ARL8B: variants seen among roughly 807,000 people sequenced by gnomAD.
ARL8B encodes the protein ADP-ribosylation factor-like protein 8B.
A neutral mutation model predicts 30.6 loss-of-function variants in ARL8B; 9 were observed. The observed-to-expected ratio is 0.29, with a 90% CI of 0.18 to 0.51. ARL8B has a LOEUF of 0.51. Ranked by LOEUF, ARL8B falls within the 20% of genes least tolerant of loss-of-function variation. The probability of loss-of-function intolerance (pLI) is 0.97; values close to 1 mark genes in which losing one functional copy is unlikely to be tolerated. For synonymous variants in ARL8B, 74 were observed against 76.0 expected, an observed-to-expected ratio of 0.97 and a Z score of 0.14; for missense variants, 130 against 227.2, an observed-to-expected ratio of 0.57 and a Z score of 2.75.
chr3:5,162,115 A>G (rs2054589572), intron 1 of ARL8B, among the ~76,000 whole-genome samples: 1 of 152,352 alleles, frequency 6.6e-6, no homozygotes, highest in South Asian at 2.1e-4. Context: ...TCAGCTGCTC[A>G]TCACTGGACT....
chr3:5,141,623 C>T (rs1398950967), intron 1 of ARL8B, among the ~76,000 whole-genome samples: 1 of 152,182 alleles, frequency 6.6e-6, no homozygotes, highest in Non-Finnish European at 1.5e-5. Flanking sequence ...TTGTTAATTC[C>T]AGCATTTTCT....
rs139170070 is a variant in ARL8B at position 5,147,370 on chromosome 3, A to G, written c.124-23133A>G. 9.0e-3 allele frequency among the ~76,000 whole-genome samples: 1,369 copies of G among 152,304 alleles called. 18 individuals carry two copies. Among genetic ancestry groups the G allele is most frequent in the African/African-American group, 0.031 (1,284 of 41,560 alleles). ...TGAACTCATCCTTTTTTATGGCTGCATAGTATTCCATGGTGTTCTTAATCC... is the reference window on the plus strand; with the variant it reads ...TGAACTCATCCTTTTTTATGGCTGCGTAGTATTCCATGGTGTTCTTAATCC... On this transcript the variant is annotated intron_variant, in intron 1 of 6. Transcript: ENST00000256496.
intron 1 of ARL8B, among the ~76,000 whole-genome samples, chr3:5,155,210 C>T (rs1003609208): frequency 6.6e-6 from 1 of 152,092 alleles, no homozygotes; most frequent in African/African-American, 2.4e-5. Flanking sequence ...TTTGTTTTTT[C>T]ATTTAGCACT....
chr3:5,151,148 A>G (rs923433109), intron 1 of ARL8B, among the ~76,000 whole-genome samples: 1 of 151,982 alleles, frequency 6.6e-6, no homozygotes, highest in African/African-American at 2.4e-5. Flanking sequence ...GATTTGCTTC[A>G]AAGTTTTTCT....
chr3:5,145,364 T>C (rs2054410014), intron 1 of ARL8B, among the ~76,000 whole-genome samples: 1 of 152,192 alleles, frequency 6.6e-6, no homozygotes, highest in African/African-American at 2.4e-5. Flanking sequence ...TGATTTAATA[T>C]ATTCCTGACC....
At chr3:5,136,603 G>T (rs887196238) in intron 1 of ARL8B, among the ~76,000 whole-genome samples, 3 of 152,136 alleles carry the variant, frequency 2.0e-5, no homozygotes, top group Non-Finnish European at 4.4e-5. Context: ...ACTACCCTAT[G>T]TTATCTTTCC....
Position 5,178,685 on chromosome 3 carries a change from T to C in ARL8B, c.533T>C (p.Ile178Thr). The part of the protein sequence containing the change: ...DNIDITLQWL[I>T]QHSKSRRS The stretch of plus-strand genomic sequence containing the variant: ...TTAGATATCACACTTCAGTGGCTTA[T>C]TCAGCATTCAAAATCTAGAAGAAGC... The change falls in exon 7 of 7, where the codon ATT becomes ACT. Residue 178 changes from isoleucine (I) to threonine (T), a missense_variant. Coordinates refer to ENST00000256496, the MANE Select transcript of ARL8B (RefSeq NM_018184.3). The C allele has an allele frequency of 6.2e-7, 1 of 1,612,654 alleles. No homozygotes were observed. The highest frequency in any genetic ancestry group is 8.5e-7 in the Non-Finnish European group (1 of 1,179,254).
At chr3:5,155,826 C>G (rs888258735) in intron 1 of ARL8B, among the ~76,000 whole-genome samples, 1 of 146,046 alleles carries the variant, frequency 6.8e-6, no homozygotes, top group African/African-American at 2.6e-5. Flanking sequence ...ACATAGTTTT[C>G]TTGCATTTTT....
intron 2 of ARL8B, among the ~76,000 whole-genome samples, chr3:5,171,476 C>T (rs1033685435): frequency 6.6e-6 from 1 of 151,880 alleles, no homozygotes; most frequent in Non-Finnish European, 1.5e-5. Flanking sequence ...CTCAGCCTCC[C>T]GAGTATATTA....
At chr3:5,148,487 C>T (rs2054449470) in intron 1 of ARL8B, among the ~76,000 whole-genome samples, 1 of 152,138 alleles carries the variant, frequency 6.6e-6, no homozygotes, top group South Asian at 2.1e-4. Context: ...CCTGCTGCCC[C>T]TTGATTTTCC....
At chr3:5,159,374 G>T (rs1427956546) in intron 1 of ARL8B, among the ~76,000 whole-genome samples, 4 of 151,076 alleles carry the variant, frequency 2.6e-5, no homozygotes, top group Non-Finnish European at 5.9e-5. Context: ...AGGCCGAGGT[G>T]GGTGGATCAC....
chr3:5,136,507 A>G (rs1156500132), intron 1 of ARL8B, among the ~76,000 whole-genome samples: 1 of 152,190 alleles, frequency 6.6e-6, no homozygotes, highest in Non-Finnish European at 1.5e-5. Context: ...GAAGCTGGGC[A>G]TGACTTTATA....
In ARL8B at chr3:5,180,593, C is replaced by A. The variant is rs2054769987; in HGVS notation, c.*1880C>A. On this transcript the variant is annotated 3_prime_UTR_variant, in exon 7 of 7. Transcript: ENST00000256496. ...ATTTCAAGACATCCAGACGCTATTA[C>A]CAACATTTTCCTGTGCATTAACCTC... The A allele has an allele frequency of 6.6e-6, 1 of 152,656 alleles. No individual in the cohort carries two copies. The highest frequency in any genetic ancestry group is 6.5e-5 in the Admixed American group (1 of 15,288). 9.5% of individuals were successfully genotyped at this position (152,656 alleles called of 1,614,324 possible).
chr3:5,155,387 A>G (rs1429020328), intron 1 of ARL8B, among the ~76,000 whole-genome samples: 1 of 151,994 alleles, frequency 6.6e-6, no homozygotes. Context: ...GATCTCTTTA[A>G]GTTCATCCTA....
intron 1 of ARL8B, among the ~76,000 whole-genome samples, chr3:5,154,907 G>A (rs1311677252): frequency 6.6e-6 from 1 of 151,778 alleles, no homozygotes; most frequent in Non-Finnish European, 1.5e-5. Flanking sequence ...TTGTTTGTTT[G>A]TTTTTAAAGT....
intron 1 of ARL8B, among the ~76,000 whole-genome samples, chr3:5,165,204 T>A (rs559840014): frequency 6.6e-6 from 1 of 152,256 alleles, no homozygotes; most frequent in East Asian, 1.9e-4. Context: ...CATCAAAATT[T>A]CCCCCTAGAC....
intron 1 of ARL8B, among the ~76,000 whole-genome samples, chr3:5,168,846 A>G (rs896559444): frequency 3.3e-5 from 5 of 152,226 alleles, no homozygotes; most frequent in Admixed American, 1.3e-4. Flanking sequence ...AATTTTAGCT[A>G]CTATTTTTCC....
chr3:5,138,922 C>G (rs1425207246), intron 1 of ARL8B, among the ~76,000 whole-genome samples: 2 of 152,106 alleles, frequency 1.3e-5, no homozygotes, highest in Admixed American at 6.5e-5. Flanking sequence ...TGTGGAGGAG[C>G]CGGTGAAAGA....
chr3:5,156,655 A>T (rs2054535838), intron 1 of ARL8B, among the ~76,000 whole-genome samples: 1 of 152,148 alleles, frequency 6.6e-6, no homozygotes, highest in African/African-American at 2.4e-5. Context: ...ACCTCAAGTG[A>T]TCCACCCGCC....
Sources: gnomAD v4.1 joint callset for allele counts (sites outside exome capture counted in the v4.1 genomes callset) on GRCh38, gnomAD v4.1.1 for gene constraint, MANE v1.5 for transcripts, NCBI Gene and HGNC (gene_info 2026-07-23, HGNC 2026-07-21) for gene names.